The following ANKRD6 variants were observed in gnomAD, a reference collection of about 807,000 sequenced individuals.
The protein encoded by ANKRD6 is ankyrin repeat domain-containing protein 6.
A neutral mutation model predicts 82.3 loss-of-function variants in ANKRD6; 56 were observed. That is an observed-to-expected ratio of 0.68 (90% CI 0.55 to 0.85). The LOEUF is 0.85. Ranked by LOEUF, ANKRD6 falls within the 40% of genes least tolerant of loss-of-function variation. ANKRD6 has a pLI of 0.00. For synonymous variants in ANKRD6, 347 were observed against 352.1 expected (o/e 0.99, Z 0.16); for missense variants, 852 against 907.6 (o/e 0.94, Z 0.79).
intron 12 of ANKRD6, 45 bp from the exon 13 acceptor site, chr6:89,624,494 G>A (rs763269085): frequency 7.8e-6 from 12 of 1,545,506 alleles, no homozygotes; most frequent in Non-Finnish European, 9.6e-6. Flanking sequence ...CATACCTGAT[G>A]AAGGAATGAA....
At chr6:89,449,798 T>G (rs1772587409) in intron 1 of ANKRD6, among the ~76,000 whole-genome samples, 1 of 152,228 alleles carries the variant, frequency 6.6e-6, no homozygotes, top group South Asian at 2.1e-4. Flanking sequence ...TCTCAGTTTA[T>G]AATTCTCTTT....
At chr6:89,474,660 A>G (rs928323470) in intron 1 of ANKRD6, among the ~76,000 whole-genome samples, 3 of 152,118 alleles carry the variant, frequency 2.0e-5, no homozygotes, top group African/African-American at 7.2e-5. Context: ...CTTGTGATCC[A>G]CCTGCCTCAG....
chr6:89,550,514 C>T (rs1046763354), intron 1 of ANKRD6, among the ~76,000 whole-genome samples: 10 of 152,098 alleles, frequency 6.6e-5, no homozygotes, highest in Non-Finnish European at 1.5e-4. Context: ...ACAGTGACTA[C>T]TCTTGAGGGT....
intron 2 of ANKRD6, among the ~76,000 whole-genome samples, chr6:89,589,173 C>T (rs1164016377): frequency 6.6e-6 from 1 of 152,056 alleles, no homozygotes; most frequent in Non-Finnish European, 1.5e-5. Context: ...TAAGTAGGGT[C>T]CAAGATACTG....
chr6:89,434,584 A>T (rs1770387157), intron 1 of ANKRD6, among the ~76,000 whole-genome samples: 1 of 152,106 alleles, frequency 6.6e-6, no homozygotes, highest in Admixed American at 6.6e-5. Context: ...TCAGCCTGGG[A>T]CCACCACACC....
chr6:89,526,381 C>T (rs889913405), intron 1 of ANKRD6, among the ~76,000 whole-genome samples: 2 of 152,188 alleles, frequency 1.3e-5, no homozygotes, highest in African/African-American at 4.8e-5. Flanking sequence ...CAGCCTTGCT[C>T]CTATACCTTT....
chr6:89,477,837 A>C (rs1449745652), intron 1 of ANKRD6, among the ~76,000 whole-genome samples: 1 of 152,066 alleles, frequency 6.6e-6, no homozygotes, highest in Non-Finnish European at 1.5e-5. Context: ...TTTTTAATTA[A>C]AAAAAAGAAA....
At chr6:89,551,656 A>C (rs1239309076) in intron 1 of ANKRD6, among the ~76,000 whole-genome samples, 1 of 152,238 alleles carries the variant, frequency 6.6e-6, no homozygotes, top group Non-Finnish European at 1.5e-5. Context: ...GCCTTTTGCT[A>C]TGAGATCAGT....
At position 89,602,906 on chromosome 6, in the gene ANKRD6, C is replaced by T. The variant is rs143868584; in HGVS notation, c.220-123C>T. The T allele has an allele frequency of 5.2e-4, 391 of 753,218 alleles. 4 individuals carry two copies. The East Asian group carries it at 8.6e-3, about 16-fold the overall frequency. The allele number at this position is 753,218 out of a possible 1,614,324, so 46.7% of individuals were successfully genotyped here. ...TGCCTGTGGTAACCAAGCCCTTCTG[C>T]GAATAACCGCTCTGCTCTGTGTGGG... is the stretch of plus-strand genomic sequence containing the variant. On this transcript the variant is annotated intron_variant, in intron 3 of 15. Transcript: ENST00000339746.
Position 89,599,366 on chromosome 6 carries a change from C to G in ANKRD6, c.219+3352C>G, listed in dbSNP as rs145557513. 3.8e-4 allele frequency among the ~76,000 whole-genome samples: 58 copies of G among 152,302 alleles called. 1 individual carries two copies. The East Asian group carries it at 0.01, about 27-fold the overall frequency. Reference sequence around the variant, plus strand: ...CTAGCATAGGTGACAGAGTGAGACCCTGTCTCAAAATGAGTGGATGTTCAC... The same window carrying G: ...CTAGCATAGGTGACAGAGTGAGACCGTGTCTCAAAATGAGTGGATGTTCAC... On this transcript the variant is annotated intron_variant, in intron 3 of 15. Coordinates refer to ENST00000339746, the MANE Select transcript of ANKRD6 (RefSeq NM_001242809.2).
intron 1 of ANKRD6, among the ~76,000 whole-genome samples, chr6:89,556,445 A>G (rs1786611026): frequency 6.6e-6 from 1 of 152,168 alleles, no homozygotes; most frequent in Non-Finnish European, 1.5e-5. Flanking sequence ...GACAAAGCAC[A>G]CTCACTATCT....
intron 1 of ANKRD6, among the ~76,000 whole-genome samples, chr6:89,559,300 CTCTGCCTGTGTCT>C (rs1179062359): frequency 6.6e-6 from 1 of 152,168 alleles, no homozygotes; most frequent in Non-Finnish European, 1.5e-5. Context: ...TTGCTGTTTC[CTCTGCCTGTGTCT>C]TCTCCCCTTC....
chr6:89,626,456 C>G (rs955928517), intron 13 of ANKRD6, among the ~76,000 whole-genome samples: 9 of 152,150 alleles, frequency 5.9e-5, no homozygotes, highest in Non-Finnish European at 1.0e-4. Flanking sequence ...AAAACAGCCA[C>G]CTGGAGGAAG....
chr6:89,497,579 T>C (rs138311176), intron 1 of ANKRD6, among the ~76,000 whole-genome samples: 5 of 152,350 alleles, frequency 3.3e-5, no homozygotes, highest in African/African-American at 1.2e-4. Context: ...TTCTAAATTG[T>C]GTCTTTTAAA....
intron 2 of ANKRD6, among the ~76,000 whole-genome samples, chr6:89,583,997 G>T (rs1033110873): frequency 6.6e-6 from 1 of 152,152 alleles, no homozygotes; most frequent in African/African-American, 2.4e-5. Flanking sequence ...TTAGCAGATT[G>T]CACTTAAAAG....
chr6:89,447,686 T>C (rs770591820), intron 1 of ANKRD6, among the ~76,000 whole-genome samples: 8 of 152,020 alleles, frequency 5.3e-5, no homozygotes, highest in Non-Finnish European at 1.2e-4. Context: ...TAGGACTTTG[T>C]TTTTCTTTCT....
chr6:89,486,980 G>C (rs1477920927), intron 1 of ANKRD6, among the ~76,000 whole-genome samples: 1 of 152,140 alleles, frequency 6.6e-6, no homozygotes, highest in Non-Finnish European at 1.5e-5. Context: ...TTGGGGTTGG[G>C]GGGTGGACAC....
intron 1 of ANKRD6, among the ~76,000 whole-genome samples, chr6:89,534,204 TCTAA>T (rs1388040855): frequency 6.6e-6 from 1 of 152,216 alleles, no homozygotes; most frequent in Non-Finnish European, 1.5e-5. Flanking sequence ...TGCATTTGTC[TCTAA>T]CTACTCAGTT....
chr6:89,572,032 C>T (rs996741654), intron 2 of ANKRD6, among the ~76,000 whole-genome samples: 8 of 152,134 alleles, frequency 5.3e-5, no homozygotes, highest in African/African-American at 1.7e-4. Flanking sequence ...CAATATGTAG[C>T]CTTTTTATAT....
Sources: gnomAD v4.1 joint callset for allele counts (sites outside exome capture counted in the v4.1 genomes callset) on GRCh38, gnomAD v4.1.1 for gene constraint, MANE v1.5 for transcripts, NCBI Gene and HGNC (gene_info 2026-07-23, HGNC 2026-07-21) for gene names.